The following CUL3 variants were observed in gnomAD, a reference collection of about 807,000 sequenced individuals.
The protein encoded by CUL3 is cullin-3.
In CUL3, 19 loss-of-function variants were observed where a neutral mutation model predicts 89.1. That is an observed-to-expected ratio of 0.21 (90% CI 0.15 to 0.31). The LOEUF (loss-of-function observed/expected upper bound fraction) is 0.31, where lower values mean the gene tolerates loss of function less well. CUL3 is among the 10% of genes least tolerant of loss of function. The pLI, the probability that CUL3 is intolerant of heterozygous loss-of-function variation, is 1.00. For missense variants in CUL3, 469 were observed against 942.3 expected (o/e 0.50, Z 6.58); for synonymous variants, 351 against 308.4 (o/e 1.14, Z -1.45).
intron 3 of CUL3, among the ~76,000 whole-genome samples, chr2:224,523,901 C>T (rs1255854142): frequency 6.6e-6 from 1 of 151,594 alleles, no homozygotes; most frequent in African/African-American, 2.4e-5. Context: ...CTGGCAGAGG[C>T]TTGGTGGAGG....
rs1691214547 is a variant in CUL3 at position 224,473,751 on chromosome 2, T to C, written c.*494A>G. ...GGTCTTTGTATATTTATCAAACCTTTAAAATTAAATAAGACTAGCTAAAGA... is the reference window on the plus strand; with the variant it reads ...GGTCTTTGTATATTTATCAAACCTTCAAAATTAAATAAGACTAGCTAAAGA... On this transcript the variant is annotated 3_prime_UTR_variant, in exon 16 of 16. Transcript: ENST00000264414. The C allele has an allele frequency of 5.4e-6, 1 of 185,066 alleles. No homozygotes were observed. The highest frequency in any genetic ancestry group is 2.0e-4 in the South Asian group (1 of 5,108). The allele number at this position is 185,066 out of a possible 1,614,324, so 11.5% of individuals were successfully genotyped here.
In CUL3 at chr2:224,483,006, G is replaced by C. The variant is rs1457334094; in HGVS notation, c.1843-928C>G. On this transcript the variant is annotated intron_variant, in intron 13 of 15. Transcript: ENST00000264414. ...AGTCATTCTCTCTAGACAAGTCTTTGAGCAACAGTTCTGTTCTCCTAAAAA... is the reference window on the plus strand; with the variant it reads ...AGTCATTCTCTCTAGACAAGTCTTTCAGCAACAGTTCTGTTCTCCTAAAAA... Among the ~76,000 whole-genome samples, 6 of 152,118 alleles carry C rather than the reference G, an allele frequency of 3.9e-5. No individual in the cohort carries two copies. The South Asian group carries it at 1.0e-3, about 26-fold the overall frequency.
At chr2:224,500,552 G>A in intron 10 of CUL3, 65 bp from the exon 11 acceptor site, 1 of 1,513,762 alleles carries the variant, frequency 6.6e-7, no homozygotes, top group Non-Finnish European at 9.1e-7. Context: ...GTTCTGTTTA[G>A]ACATTGTGTT....
At chr2:224,554,312 A>C (rs528802279) in intron 2 of CUL3, among the ~76,000 whole-genome samples, 1 of 152,198 alleles carries the variant, frequency 6.6e-6, no homozygotes, top group Admixed American at 6.5e-5. Context: ...GATTCATAAT[A>C]ATTTTAGAAA....
intron 15 of CUL3, among the ~76,000 whole-genome samples, chr2:224,475,293 A>C (rs1381786183): frequency 6.6e-6 from 1 of 152,234 alleles, no homozygotes; most frequent in Non-Finnish European, 1.5e-5. Flanking sequence ...CTGGGATTAC[A>C]GGCGTGAGCC....
chr2:224,534,988 G>A (rs901574146), intron 3 of CUL3, among the ~76,000 whole-genome samples: 1 of 149,906 alleles, frequency 6.7e-6, no homozygotes, highest in African/African-American at 2.5e-5. Context: ...GGAACAGAGC[G>A]AGACCCCGTC....
intron 3 of CUL3, among the ~76,000 whole-genome samples, chr2:224,528,522 T>C (rs758736814): frequency 6.6e-6 from 1 of 151,516 alleles, no homozygotes; most frequent in African/African-American, 2.4e-5. Flanking sequence ...GTCATGGACA[T>C]ATTTCGGGAT....
intron 14 of CUL3, 64 bp downstream of exon 14, chr2:224,481,828 G>A (rs2106150834): frequency 8.7e-7 from 1 of 1,145,628 alleles, no homozygotes; most frequent in East Asian, 3.0e-5. Context: ...TCCAATAGAT[G>A]AGATTTTTTT....
In CUL3 at chr2:224,561,259, T is replaced by C. The variant is rs1467726914; in HGVS notation, c.67-3403A>G. On this transcript the variant is annotated intron_variant, in intron 1 of 15. Coordinates refer to ENST00000264414, the MANE Select transcript of CUL3 (RefSeq NM_003590.5). ...ATTCATACTTCGGTGACTGATTTTC[T>C]GCTAATATATGACTAATGACCCCTT... 2.6e-5 allele frequency among the ~76,000 whole-genome samples: 4 copies of C among 152,212 alleles called. No individual in the cohort carries two copies. In the East Asian group the frequency reaches 7.7e-4, roughly 29 times the overall value.
At chr2:224,583,987 C>T (rs142430479) in intron 1 of CUL3, among the ~76,000 whole-genome samples, 42 of 152,296 alleles carry the variant, frequency 2.8e-4, no homozygotes, top group Non-Finnish European at 4.4e-4. Context: ...TTGACGTATG[C>T]CTTTTATTGT....
intron 1 of CUL3, among the ~76,000 whole-genome samples, chr2:224,577,856 C>T (rs892616210): frequency 6.6e-6 from 1 of 152,114 alleles, no homozygotes; most frequent in Admixed American, 6.6e-5. Context: ...AGAAGTTAAA[C>T]GGATACAACC....
chr2:224,503,868 A>C (rs1227686038), intron 8 of CUL3, 46 bp from the exon 9 acceptor site: 3 of 1,410,662 alleles, frequency 2.1e-6, no homozygotes, highest in Admixed American at 2.7e-5. Flanking sequence ...TTAGTTCTAC[A>C]AAAGCAGTAC....
intron 15 of CUL3, 115 bp from the exon 16 acceptor site, chr2:224,474,491 A>T: frequency 1.2e-6 from 1 of 804,446 alleles, no homozygotes; most frequent in Middle Eastern, 2.9e-4. Context: ...CTGGATTACC[A>T]AAGATAAAAG....
chr2:224,502,911 C>A (rs2106193956), intron 10 of CUL3, 54 bp downstream of exon 10: 1 of 1,206,726 alleles, frequency 8.3e-7, no homozygotes, highest in South Asian at 1.2e-5. Context: ...AAAATATACC[C>A]ATTACAAAAG....
chr2:224,583,345 G>A (rs1232175462), intron 1 of CUL3, among the ~76,000 whole-genome samples: 1 of 152,060 alleles, frequency 6.6e-6, no homozygotes, highest in Admixed American at 6.6e-5. Flanking sequence ...TGGGCAACAG[G>A]AGCGAAACTC....
intron 7 of CUL3, 140 bp downstream of exon 7, chr2:224,506,718 T>G (rs1236976775): frequency 2.1e-5 from 15 of 721,872 alleles, no homozygotes; most frequent in Non-Finnish European, 4.2e-6. Flanking sequence ...CTAAAATATG[T>G]AGGATAATTA....
intron 6 of CUL3, among the ~76,000 whole-genome samples, chr2:224,508,287 TTTAG>T (rs749181731): frequency 7.2e-5 from 11 of 152,150 alleles, no homozygotes; most frequent in African/African-American, 1.7e-4. Flanking sequence ...AGCAGCAAAT[TTTAG>T]TTAGTTTCCA....
chr2:224,513,921 G>A (rs1235090182), intron 4 of CUL3, among the ~76,000 whole-genome samples: 3 of 152,212 alleles, frequency 2.0e-5, no homozygotes, highest in African/African-American at 7.2e-5. Context: ...TCTGGAAGAA[G>A]GGAGAGAGGG....
At chr2:224,535,146 C>T (rs934657424) in intron 3 of CUL3, among the ~76,000 whole-genome samples, 152 of 152,234 alleles carry the variant, frequency 1.0e-3, no homozygotes, top group African/African-American at 3.5e-3. Context: ...CACACTGAGA[C>T]GTACTATAAC....
Sources: gnomAD v4.1 joint callset for allele counts (sites outside exome capture counted in the v4.1 genomes callset) on GRCh38, gnomAD v4.1.1 for gene constraint, MANE v1.5 for transcripts, NCBI Gene and HGNC (gene_info 2026-07-23, HGNC 2026-07-21) for gene names.